Variants in SLC7A1 observed in about 807,000 individuals in gnomAD.
SLC7A1 encodes the protein solute carrier family 7 member 1, also known as high affinity cationic amino acid transporter 1.
In SLC7A1, 10 loss-of-function variants were observed where a neutral mutation model predicts 53.9. The observed-to-expected ratio is 0.19, with a 90% CI of 0.11 to 0.31. SLC7A1 has a LOEUF of 0.31. Ranked by LOEUF, SLC7A1 falls within the 10% of genes least tolerant of loss-of-function variation. SLC7A1 has a pLI of 1.00. For synonymous variants in SLC7A1, 342 were observed against 338.7 expected (o/e 1.01, Z -0.11); for missense variants, 525 against 827.2 (o/e 0.63, Z 4.48).
rs1883425291 is a variant in SLC7A1 at position 29,512,564 on chromosome 13, A to G, written c.*1916T>C. ...CTTTGCCTATGTAGAAAATAACGGA[A>G]AAAAAAATCAAGCAAATAACTACCA... On this transcript the variant is annotated 3_prime_UTR_variant, in exon 13 of 13. Coordinates refer to ENST00000380752, the MANE Select transcript of SLC7A1 (RefSeq NM_003045.5). 6.6e-6 allele frequency: 1 copy of G among 152,204 alleles called. No homozygotes were observed. Among genetic ancestry groups the G allele is most frequent in the African/African-American group, 2.4e-5 (1 of 41,442 alleles). The allele number at this position is 152,204 out of a possible 1,614,324, so 9.4% of individuals were successfully genotyped here.
intron 1 of SLC7A1, among the ~76,000 whole-genome samples, chr13:29,567,919 G>C (rs1039303248): frequency 2.6e-5 from 4 of 151,960 alleles, no homozygotes; most frequent in Non-Finnish European, 4.4e-5. Flanking sequence ...TTGAGGGTGA[G>C]GTGGCCCTAA....
At chr13:29,593,003 G>A (rs757491644) in intron 1 of SLC7A1, among the ~76,000 whole-genome samples, 23 of 152,116 alleles carry the variant, frequency 1.5e-4, no homozygotes, top group Non-Finnish European at 3.2e-4. Context: ...CCCCAGATTT[G>A]GCGAGAGGAG....
At chr13:29,518,863 C>T (rs951904190) in intron 9 of SLC7A1, among the ~76,000 whole-genome samples, 26 of 152,062 alleles carry the variant, frequency 1.7e-4, no homozygotes, top group African/African-American at 5.6e-4. Context: ...GTGAGAACAC[C>T]GAGACACCAA....
chr13:29,525,280 G>T (rs1323627382), intron 5 of SLC7A1, among the ~76,000 whole-genome samples: 1 of 152,248 alleles, frequency 6.6e-6, no homozygotes, highest in Non-Finnish European at 1.5e-5. Flanking sequence ...GCCAGCCCCA[G>T]GGCCGCAGGC....
At chr13:29,556,181 T>C (rs747357412) in intron 1 of SLC7A1, among the ~76,000 whole-genome samples, 47 of 152,162 alleles carry the variant, frequency 3.1e-4, no homozygotes, top group African/African-American at 1.1e-3. Flanking sequence ...GAAGCACATA[T>C]ATGAATCCAG....
chr13:29,569,242 G>A (rs1400524464), intron 1 of SLC7A1, among the ~76,000 whole-genome samples: 1 of 152,146 alleles, frequency 6.6e-6, no homozygotes, highest in African/African-American at 2.4e-5. Context: ...GACCCTCTCT[G>A]CGGGCTGTCT....
chr13:29,517,598 A>G lies in SLC7A1; in HGVS notation c.1485T>C (p.Ile495=), dbSNP rs765420062. The G allele has an allele frequency of 1.2e-5, 20 of 1,614,016 alleles. No individual in the cohort carries two copies. The highest frequency in any genetic ancestry group is 1.6e-5 in the Non-Finnish European group (19 of 1,179,954). Residue 495 remains isoleucine, a synonymous_variant, in exon 10 of 13, where the codon ATT becomes ATC. Transcript: ENST00000380752. ...CTATGAGGCTGGTTGAAATGTTCAC[A>G]ATTAGCCCAGAGATTTTGGAAGGCT... ...NMEPSKISGL[I]VNISTSLIAV...
chr13:29,584,991 A>C (rs1871820086), intron 1 of SLC7A1, among the ~76,000 whole-genome samples: 1 of 152,246 alleles, frequency 6.6e-6, no homozygotes, highest in Admixed American at 6.5e-5. Flanking sequence ...AAATTAACAA[A>C]TGTATGGCCC....
intron 1 of SLC7A1, among the ~76,000 whole-genome samples, chr13:29,575,447 C>T (rs144656242): frequency 4.4e-4 from 67 of 152,220 alleles, no homozygotes; most frequent in African/African-American, 1.4e-3. Context: ...AAAGAGAAAC[C>T]TTTACTTGTT....
At chr13:29,524,584 C>A (rs1055587221) in intron 5 of SLC7A1, among the ~76,000 whole-genome samples, 2 of 152,214 alleles carry the variant, frequency 1.3e-5, no homozygotes, top group African/African-American at 4.8e-5. Context: ...CGCGGCCAGT[C>A]CCACACCCTT....
chr13:29,555,144 G>A (rs1870372951), intron 1 of SLC7A1, among the ~76,000 whole-genome samples: 1 of 151,176 alleles, frequency 6.6e-6, no homozygotes, highest in African/African-American at 2.4e-5. Flanking sequence ...GGATCACGAG[G>A]TCAGGAGATC....
At chr13:29,567,102 A>G (rs1255752062) in intron 1 of SLC7A1, among the ~76,000 whole-genome samples, 4 of 152,204 alleles carry the variant, frequency 2.6e-5, no homozygotes, top group Non-Finnish European at 5.9e-5. Flanking sequence ...CTCTCCCTAC[A>G]ACTGCCGCCT....
At chr13:29,548,965 T>C (rs1246382115) in intron 2 of SLC7A1, among the ~76,000 whole-genome samples, 3 of 152,210 alleles carry the variant, frequency 2.0e-5, no homozygotes. Flanking sequence ...GACCAGAATT[T>C]CAGACACTCA....
intron 1 of SLC7A1, among the ~76,000 whole-genome samples, chr13:29,589,323 G>C (rs1872009530): frequency 6.6e-6 from 1 of 150,410 alleles, no homozygotes; most frequent in Admixed American, 6.6e-5. Context: ...TCCCCAGGTG[G>C]AGATGGAGGT....
chr13:29,560,137 G>GTT (rs369938594), intron 1 of SLC7A1, among the ~76,000 whole-genome samples: 3,316 of 150,064 alleles, frequency 0.022, 117 homozygotes, highest in African/African-American at 0.077. Context: ...GAATTTTTTT[G>GTT]TTTTTTTTTA....
chr13:29,513,697 C>T lies in SLC7A1; in HGVS notation c.*783G>A, dbSNP rs1221706719. The T allele has an allele frequency of 1.3e-5, 2 of 152,860 alleles. No individual in the cohort carries two copies. Among genetic ancestry groups the T allele is most frequent in the African/African-American group, 4.8e-5 (2 of 41,480 alleles). 9.5% of individuals were successfully genotyped at this position (152,860 alleles called of 1,614,324 possible). A position where few individuals can be genotyped will look rare whatever the true frequency, so the allele number is the denominator to read the frequency against. ...CAGTCGGGGGAGACGGCAGGAGCAG[C>T]AAGAACTGGCCCAGGCCTGGAGGCC... On this transcript the variant is annotated 3_prime_UTR_variant, in exon 13 of 13. Coordinates refer to ENST00000380752, the MANE Select transcript of SLC7A1 (RefSeq NM_003045.5).
intron 2 of SLC7A1, among the ~76,000 whole-genome samples, chr13:29,553,547 C>T (rs1364961775): frequency 6.6e-6 from 1 of 152,172 alleles, no homozygotes; most frequent in Non-Finnish European, 1.5e-5. Flanking sequence ...AGAAGACAAG[C>T]TTGTTTTCTG....
chr13:29,569,882 G>GC (rs1871124813), intron 1 of SLC7A1, among the ~76,000 whole-genome samples: 1 of 152,118 alleles, frequency 6.6e-6, no homozygotes, highest in African/African-American at 2.4e-5. Context: ...CGCCCCAAAG[G>GC]CCCGCAGATC....
rs1003707806 is a variant in SLC7A1 at position 29,509,475 on chromosome 13, T to C, written c.*5005A>G. The C allele has an allele frequency of 1.3e-5, 2 of 152,624 alleles. No homozygotes were observed. Among genetic ancestry groups the C allele is most frequent in the African/African-American group, 4.8e-5 (2 of 41,448 alleles). The allele number at this position is 152,624 out of a possible 1,614,324, so 9.5% of individuals were successfully genotyped here. ...TGAGATAATGTACCACAAAAGAGTT[T>C]GATTTTACAACATAAAGTATGGTAG... On this transcript the variant is annotated 3_prime_UTR_variant, in exon 13 of 13. Transcript: ENST00000380752.
Sources: allele counts gnomAD v4.1 joint callset (sites outside exome capture counted in the v4.1 genomes callset), GRCh38; gene constraint gnomAD v4.1.1; transcripts MANE v1.5; gene names NCBI Gene and HGNC (gene_info 2026-07-23, HGNC 2026-07-21).